LTBP1: variants seen among roughly 807,000 people sequenced by gnomAD.
LTBP1 encodes the protein latent transforming growth factor beta binding protein 1, also known as latent-transforming growth factor beta-binding protein 1.
A neutral mutation model predicts 207.6 loss-of-function variants in LTBP1; 129 were observed. The observed-to-expected ratio is 0.62, with a 90% CI of 0.54 to 0.72. LTBP1 has a LOEUF of 0.72. Ranked by LOEUF, LTBP1 falls within the 30% of genes least tolerant of loss-of-function variation. The pLI is 0.00. For missense variants in LTBP1, 2,281 were observed against 2,217.2 expected (o/e 1.03, Z -0.58); for synonymous variants, 963 against 833.7 (o/e 1.16, Z -2.67).
chr2:33,071,508 C>T (rs911895136), intron 3 of LTBP1, among the ~76,000 whole-genome samples: 3 of 152,124 alleles, frequency 2.0e-5, no homozygotes, highest in Admixed American at 6.5e-5. Context: ...CTGCCTTGCA[C>T]AGCATCTAGG....
intron 3 of LTBP1, among the ~76,000 whole-genome samples, chr2:33,077,330 T>C (rs990369852): frequency 6.6e-6 from 1 of 152,256 alleles, no homozygotes; most frequent in African/African-American, 2.4e-5. Flanking sequence ...AAGTCCGTTC[T>C]TGCCCTGCTA....
At chr2:33,163,651 G>T (rs1459600213) in intron 5 of LTBP1, among the ~76,000 whole-genome samples, 1 of 152,150 alleles carries the variant, frequency 6.6e-6, no homozygotes, top group Admixed American at 6.5e-5. Flanking sequence ...CTTGATCATT[G>T]TGTGTTATAT....
chr2:33,110,171 G>C (rs772621879), intron 3 of LTBP1, among the ~76,000 whole-genome samples: 2 of 152,146 alleles, frequency 1.3e-5, no homozygotes, highest in Non-Finnish European at 1.5e-5. Flanking sequence ...GTTCACTCCA[G>C]CCTCAAACTC....
intron 19 of LTBP1, among the ~76,000 whole-genome samples, chr2:33,286,440 T>C (rs1169839848): frequency 6.6e-6 from 1 of 152,252 alleles, no homozygotes; most frequent in Non-Finnish European, 1.5e-5. Context: ...TTTCATGGCT[T>C]ATATGAATAT....
intron 2 of LTBP1, among the ~76,000 whole-genome samples, chr2:32,987,543 C>T (rs952950128): frequency 6.6e-6 from 1 of 152,050 alleles, no homozygotes; most frequent in African/African-American, 2.4e-5. Flanking sequence ...TCCCTGCCAC[C>T]CACTTTGTGA....
At chr2:32,991,507 G>A (rs1487814495) in intron 2 of LTBP1, among the ~76,000 whole-genome samples, 2 of 152,180 alleles carry the variant, frequency 1.3e-5, no homozygotes, top group African/African-American at 4.8e-5. Context: ...ATAAAAATAA[G>A]GGTTTGAGAT....
intron 22 of LTBP1, among the ~76,000 whole-genome samples, chr2:33,303,473 C>T (rs1262256700): frequency 2.0e-5 from 3 of 151,760 alleles, no homozygotes; most frequent in African/African-American, 7.3e-5. Flanking sequence ...CCTCAGCCTC[C>T]CGAGTAGCTG....
chr2:33,228,717 T>TTTTTTTTTTTTTTTTTTTTTTG (rs1553461062), intron 9 of LTBP1, among the ~76,000 whole-genome samples: 1 of 144,192 alleles, frequency 6.9e-6, no homozygotes, highest in Admixed American at 7.0e-5. Flanking sequence ...TTTTTTTTTT[T>TTTTTTTTTTTTTTTTTTTTTTG]TGAGATGGAG....
intron 3 of LTBP1, among the ~76,000 whole-genome samples, chr2:33,035,022 C>T (rs1355116488): frequency 1.3e-5 from 2 of 152,156 alleles, no homozygotes; most frequent in Admixed American, 1.3e-4. Flanking sequence ...GCAGTGCAAC[C>T]TCGAACCACC....
At chr2:33,228,860 C>T (rs553344511) in intron 9 of LTBP1, among the ~76,000 whole-genome samples, 15 of 151,280 alleles carry the variant, frequency 9.9e-5, no homozygotes, top group South Asian at 4.2e-4. Context: ...CCACCACACC[C>T]GGCTAATTTT....
chr2:33,312,537 A>C (rs1335561145), intron 23 of LTBP1, among the ~76,000 whole-genome samples: 1 of 152,066 alleles, frequency 6.6e-6, no homozygotes, highest in Non-Finnish European at 1.5e-5. Context: ...CCCATGAAAG[A>C]AACCCAACTT....
In LTBP1 at chr2:33,382,163, C is replaced by T. The variant is rs187660300; in HGVS notation, c.4712-7021C>T. ...AGGCTGGAGTGCAGTGGTGCGATCT[C>T]GGTTCACTGCAACCTCCACCTCCCG... is the stretch of plus-strand genomic sequence containing the variant. On this transcript the variant is annotated intron_variant, in intron 31 of 33. Coordinates refer to ENST00000404816, the MANE Select transcript of LTBP1 (RefSeq NM_206943.4). 2.3e-3 allele frequency among the ~76,000 whole-genome samples: 299 copies of T among 128,462 alleles called. 1 individual carries two copies. The highest frequency in any genetic ancestry group is 7.8e-3 in the African/African-American group (266 of 34,274). 84.3% of individuals were successfully genotyped at this position (128,462 alleles called of 152,430 possible). A position where few individuals can be genotyped will look rare whatever the true frequency, so the allele number is the denominator to read the frequency against.
chr2:32,989,611 G>GA (rs2148834136), intron 2 of LTBP1, among the ~76,000 whole-genome samples: 1 of 152,356 alleles, frequency 6.6e-6, no homozygotes, highest in East Asian at 1.9e-4. Flanking sequence ...GCCAGTCATA[G>GA]AGGTGTCTGG....
chr2:33,138,396 A>G (rs1194582198), intron 5 of LTBP1, among the ~76,000 whole-genome samples: 1 of 152,166 alleles, frequency 6.6e-6, no homozygotes, highest in African/African-American at 2.4e-5. Flanking sequence ...GTTTAACAGA[A>G]TAGTTACTTT....
intron 3 of LTBP1, among the ~76,000 whole-genome samples, chr2:33,080,636 T>C (rs1195066552): frequency 6.6e-6 from 1 of 152,252 alleles, no homozygotes; most frequent in Non-Finnish European, 1.5e-5. Flanking sequence ...GCAGTTTTTT[T>C]CTTTACTGAT....
intron 5 of LTBP1, among the ~76,000 whole-genome samples, chr2:33,177,199 CAT>C (rs1354952627): frequency 3.3e-5 from 5 of 152,186 alleles, no homozygotes; most frequent in Non-Finnish European, 7.3e-5. Context: ...GTAATCGACT[CAT>C]GTTATATTTT....
chr2:33,081,377 A>G (rs1161445548), intron 3 of LTBP1, among the ~76,000 whole-genome samples: 28 of 152,078 alleles, frequency 1.8e-4, no homozygotes. Flanking sequence ...ATATACACAC[A>G]TGTGCCCACA....
chr2:33,307,186 T>C (rs1313555601), intron 22 of LTBP1, among the ~76,000 whole-genome samples: 2 of 152,208 alleles, frequency 1.3e-5, no homozygotes, highest in Admixed American at 6.5e-5. Flanking sequence ...CTCATATGTT[T>C]CCTGTGGGAA....
chr2:33,187,073 A>G lies in LTBP1; in HGVS notation c.1419A>G (p.Gly473=). ...TLPLTVTSQQ[G]VKVKFPPNIV... Reference sequence around the variant, plus strand: ...CTCTGACCGTGACTAGCCAGCAAGGAGTCAAAGGTAAGCTTTTTTCATTCC... The same window carrying G: ...CTCTGACCGTGACTAGCCAGCAAGGGGTCAAAGGTAAGCTTTTTTCATTCC... The change falls in exon 6 of 34, where the codon GGA becomes GGG. Residue 473 remains glycine, a synonymous_variant. Coordinates refer to ENST00000404816, the MANE Select transcript of LTBP1 (RefSeq NM_206943.4). The G allele has an allele frequency of 1.2e-6, 2 of 1,613,708 alleles. No individual in the cohort carries two copies. Among genetic ancestry groups the G allele is most frequent in the Non-Finnish European group, 1.7e-6 (2 of 1,179,622 alleles).
Sources: gnomAD v4.1 joint callset for allele counts (sites outside exome capture counted in the v4.1 genomes callset) on GRCh38, gnomAD v4.1.1 for gene constraint, MANE v1.5 for transcripts, NCBI Gene and HGNC (gene_info 2026-07-23, HGNC 2026-07-21) for gene names.